ASPRV1: variants seen among roughly 807,000 people sequenced by gnomAD.
The protein encoded by ASPRV1 is retroviral-like aspartic protease 1.
Under a neutral mutation model 11.0 loss-of-function variants are expected in ASPRV1, and 7 were observed. The ratio of observed to expected loss-of-function variants is 0.64; its 90% confidence interval spans 0.36 to 1.20. The LOEUF (loss-of-function observed/expected upper bound fraction) is 1.20. ASPRV1 is among the 50% of genes most tolerant of loss of function. The pLI, the probability that ASPRV1 is intolerant of heterozygous loss-of-function variation, is 0.02. For synonymous variants in ASPRV1, 136 were observed against 138.4 expected (o/e 0.98, Z 0.12); for missense variants, 299 against 320.0 (o/e 0.93, Z 0.50).
chr2:69,964,672 G>A (rs575620660), upstream of ASPRV1: 10 of 201,534 alleles, frequency 5.0e-5, no homozygotes, highest in East Asian at 2.7e-4. Flanking sequence ...ACCCATTAGC[G>A]TCTCCTGGGT....
the ASPRV1 span, among the ~76,000 whole-genome samples, chr2:70,009,427 T>C: frequency 0.037 from 5,685 of 152,150 alleles, 356 homozygotes; most frequent in African/African-American, 0.13. Context: ...CCTCCTGGGT[T>C]CAAGCGATTC....
chr2:69,980,366 T>C, the ASPRV1 span, among the ~76,000 whole-genome samples: 6 of 152,264 alleles, frequency 3.9e-5, no homozygotes, highest in Non-Finnish European at 7.3e-5. Flanking sequence ...ATTGTTATTA[T>C]TGCTATTTCT....
the ASPRV1 span, among the ~76,000 whole-genome samples, chr2:70,001,733 C>G: frequency 6.6e-6 from 1 of 151,932 alleles, no homozygotes; most frequent in Non-Finnish European, 1.5e-5. Context: ...GCACCCCAGC[C>G]TGAGCAGCAA....
chr2:69,983,496 C>A, the ASPRV1 span, among the ~76,000 whole-genome samples: 1 of 152,194 alleles, frequency 6.6e-6, no homozygotes, highest in Non-Finnish European at 1.5e-5. Context: ...GGCCTCAGAG[C>A]AGGGCAGCCT....
At chr2:70,020,505 G>C in the ASPRV1 span, among the ~76,000 whole-genome samples, 1 of 152,290 alleles carries the variant, frequency 6.6e-6, no homozygotes, top group East Asian at 1.9e-4. Context: ...CACTTCGAGA[G>C]GCAGAGGTGG....
chr2:70,008,517 G>A, the ASPRV1 span, among the ~76,000 whole-genome samples: 10 of 145,474 alleles, frequency 6.9e-5, no homozygotes, highest in African/African-American at 2.7e-4. Flanking sequence ...GTGTCTTCAC[G>A]GCCTAGTCCA....
At chr2:70,082,949 G>A in the ASPRV1 span, among the ~76,000 whole-genome samples, 1 of 152,072 alleles carries the variant, frequency 6.6e-6, no homozygotes. Context: ...TATGCTTGCT[G>A]AACCAGGTAG....
At chr2:70,038,183 C>G in the ASPRV1 span, among the ~76,000 whole-genome samples, 1 of 152,150 alleles carries the variant, frequency 6.6e-6, no homozygotes, top group Non-Finnish European at 1.5e-5. Context: ...CAAGAAATAC[C>G]TTCAAAAGAT....
the ASPRV1 span, among the ~76,000 whole-genome samples, chr2:70,006,641 G>C: frequency 6.6e-6 from 1 of 152,138 alleles, no homozygotes. Flanking sequence ...CCTGGCCAAA[G>C]CAGAGAGAAC....
chr2:70,040,382 T>C, the ASPRV1 span, among the ~76,000 whole-genome samples: 4 of 152,148 alleles, frequency 2.6e-5, no homozygotes, highest in Non-Finnish European at 4.4e-5. Flanking sequence ...TCTTTATTTA[T>C]TTTTTAAATT....
chr2:70,075,449 T>C, the ASPRV1 span, among the ~76,000 whole-genome samples: 1 of 152,116 alleles, frequency 6.6e-6, no homozygotes, highest in Non-Finnish European at 1.5e-5. Flanking sequence ...AAGCAAGTTT[T>C]CTAACCTCTC....
chr2:69,947,084 C>T, the ASPRV1 span, among the ~76,000 whole-genome samples: 1 of 152,224 alleles, frequency 6.6e-6, no homozygotes, highest in Non-Finnish European at 1.5e-5. Context: ...TCTACCCAGA[C>T]GGGGACAACT....
the ASPRV1 span, among the ~76,000 whole-genome samples, chr2:69,991,550 ATT>A: frequency 6.7e-6 from 1 of 149,502 alleles, no homozygotes; most frequent in Non-Finnish European, 1.5e-5. Context: ...CAGGGGCTTT[ATT>A]TGTTATTTTT....
At chr2:70,059,893 C>T in the ASPRV1 span, 1 of 152,200 alleles carries the variant, frequency 6.6e-6, no homozygotes, top group Non-Finnish European at 1.5e-5. Flanking sequence ...CTCACTCGCC[C>T]ACCACTCACT....
chr2:69,955,487 G>A (rs970351702), downstream of ASPRV1, among the ~76,000 whole-genome samples: 1 of 152,238 alleles, frequency 6.6e-6, no homozygotes, highest in African/African-American at 2.4e-5. Context: ...TGGGAGATCT[G>A]AATGAGTGGG....
the ASPRV1 span, among the ~76,000 whole-genome samples, chr2:70,043,271 A>G: frequency 2.0e-5 from 3 of 152,116 alleles, no homozygotes; most frequent in Non-Finnish European, 4.4e-5. Context: ...TACAAAAATT[A>G]GCTGGGCGTG....
chr2:69,934,508 C>T, the ASPRV1 span, among the ~76,000 whole-genome samples: 3 of 152,140 alleles, frequency 2.0e-5, no homozygotes, highest in African/African-American at 7.2e-5. Context: ...ACTCCAAGAA[C>T]AAAAAGTATA....
At chr2:70,069,351 A>C in the ASPRV1 span, 1 of 152,280 alleles carries the variant, frequency 6.6e-6, no homozygotes, top group East Asian at 1.9e-4. Context: ...TGGTTCCCAC[A>C]GAAGCATCCC....
chr2:69,944,339 T>C, the ASPRV1 span, among the ~76,000 whole-genome samples: 1 of 152,250 alleles, frequency 6.6e-6, no homozygotes, highest in Non-Finnish European at 1.5e-5. Flanking sequence ...CTTGTTATGC[T>C]GTATGGGCCC....
Sources: allele counts gnomAD v4.1 joint callset (sites outside exome capture counted in the v4.1 genomes callset), GRCh38; gene constraint gnomAD v4.1.1; transcripts MANE v1.5; gene names NCBI Gene and HGNC (gene_info 2026-07-23, HGNC 2026-07-21).